Variants in SAMD7 observed in about 807,000 individuals in gnomAD.
SAMD7 encodes the protein sterile alpha motif domain containing 7.
SAMD7 carries 34 observed loss-of-function variants against 36.7 expected under a neutral mutation model. The ratio of observed to expected loss-of-function variants is 0.93; its 90% confidence interval spans 0.71 to 1.23. SAMD7 has a LOEUF of 1.23. SAMD7 is among the 50% of genes most tolerant of loss of function. The pLI is 0.00. For missense variants in SAMD7, 570 were observed against 546.6 expected (o/e 1.04, Z -0.43); for synonymous variants, 188 against 189.7 (o/e 0.99, Z 0.07).
intron 2 of SAMD7, among the ~76,000 whole-genome samples, chr3:169,917,798 T>C (rs894619099): frequency 4.4e-4 from 67 of 151,104 alleles, no homozygotes; most frequent in African/African-American, 1.6e-3. Context: ...CCCGCCACCA[T>C]ACCTGACTAA....
intron 7 of SAMD7, among the ~76,000 whole-genome samples, chr3:169,934,961 G>A (rs1713668426): frequency 6.6e-6 from 1 of 152,218 alleles, no homozygotes; most frequent in Non-Finnish European, 1.5e-5. Flanking sequence ...TGAAGGCACA[G>A]TCAACAATGT....
intron 1 of SAMD7, among the ~76,000 whole-genome samples, chr3:169,912,504 T>C (rs1458503887): frequency 6.6e-6 from 1 of 152,244 alleles, no homozygotes; most frequent in Non-Finnish European, 1.5e-5. Context: ...GAACATAATT[T>C]ATACAAACTG....
At chr3:169,924,551 C>T (rs953644208) in intron 4 of SAMD7, among the ~76,000 whole-genome samples, 7 of 152,064 alleles carry the variant, frequency 4.6e-5, no homozygotes, top group Non-Finnish European at 1.5e-5. Context: ...CACACCACTG[C>T]ACTTTAGCCT....
At chr3:169,923,414 A>G (rs1369354344) in intron 4 of SAMD7, among the ~76,000 whole-genome samples, 1 of 152,218 alleles carries the variant, frequency 6.6e-6, no homozygotes, top group Non-Finnish European at 1.5e-5. Flanking sequence ...TCTGCAGCCC[A>G]TGATTACCGA....
chr3:169,926,957 C>T lies in SAMD7; in HGVS notation c.695C>T (p.Pro232Leu). Residue 232 changes from proline to leucine, a missense_variant, in exon 6 of 9, where the codon CCC becomes CTC. By Grantham distance (98) the Pro-to-Leu change is moderately conservative. Transcript: ENST00000335556. ...HYAKDPDIEA[P>L]SNQKSSETNE... ...GCAAAAGACCCAGACATTGAAGCAC[C>T]CAGCAACCAGAAGTCAAGTGAAACG... The T allele has an allele frequency of 6.2e-7, 1 of 1,613,940 alleles. No homozygotes were observed. The highest frequency in any genetic ancestry group is 8.5e-7 in the Non-Finnish European group (1 of 1,179,982).
chr3:169,919,035 A>G (rs1712930166), intron 2 of SAMD7, among the ~76,000 whole-genome samples: 1 of 151,936 alleles, frequency 6.6e-6, no homozygotes, highest in Admixed American at 6.6e-5. Flanking sequence ...AATCGCAGCT[A>G]CTCTGGAGGC....
intron 7 of SAMD7, among the ~76,000 whole-genome samples, chr3:169,931,845 C>T (rs764150299): frequency 5.3e-5 from 8 of 151,934 alleles, no homozygotes; most frequent in East Asian, 1.9e-4. Context: ...TAGCCACGAG[C>T]GAGTCTAGGA....
At chr3:169,926,189 A>G in intron 5 of SAMD7, 1 of 922,474 alleles carries the variant, frequency 1.1e-6, no homozygotes, top group South Asian at 1.4e-5. Flanking sequence ...GTCTTTCTTG[A>G]ATCTCACTAA....
At position 169,921,332 on chromosome 3, in the gene SAMD7, T is replaced by C. The variant is rs755360002; in HGVS notation, c.205T>C (p.Tyr69His). ...NMANVLSSRI[Y>H]PGWGILPPES... Reference sequence around the variant, plus strand: ...GGCAAATGTGTTGTCCAGTCGGATCTACCCAGGTATGAGCAATAGAAGTTT... The same window carrying C: ...GGCAAATGTGTTGTCCAGTCGGATCCACCCAGGTATGAGCAATAGAAGTTT... The change falls in exon 4 of 9, where the codon TAC becomes CAC. Residue 69 changes from tyrosine (Y) to histidine (H), a missense_variant. Coordinates refer to ENST00000335556, the MANE Select transcript of SAMD7 (RefSeq NM_001304366.2). 1 of 1,614,110 alleles carries C rather than the reference T, an allele frequency of 6.2e-7. No homozygotes were observed. Among genetic ancestry groups the C allele is most frequent in the Non-Finnish European group, 8.5e-7 (1 of 1,179,934 alleles).
chr3:169,916,699 A>C (rs1712817004), intron 2 of SAMD7, among the ~76,000 whole-genome samples: 1 of 151,918 alleles, frequency 6.6e-6, no homozygotes, highest in African/African-American at 2.4e-5. Context: ...ATTCTATCTC[A>C]CTCCTCACTT....
rs1236852554 is a variant in SAMD7 at position 169,938,751 on chromosome 3, A to C, written c.*245A>C. The C allele has an allele frequency of 5.6e-6, 2 of 355,702 alleles. No individual in the cohort carries two copies. The highest frequency in any genetic ancestry group is 1.0e-5 in the Non-Finnish European group (2 of 199,862). The allele number at this position is 355,702 out of a possible 1,614,324, so 22.0% of individuals were successfully genotyped here. ...AATGAAGGGGAGATTTACAAACATCAAGAAAGCTGCAGATGGATGTTTCCA... is the reference window on the plus strand; with the variant it reads ...AATGAAGGGGAGATTTACAAACATCCAGAAAGCTGCAGATGGATGTTTCCA... On this transcript the variant is annotated 3_prime_UTR_variant, in exon 9 of 9. Coordinates refer to ENST00000335556, the MANE Select transcript of SAMD7 (RefSeq NM_001304366.2).
rs191160838 is a variant in SAMD7 at position 169,935,130 on chromosome 3, G to A, written c.1042-1209G>A. 1.1e-3 allele frequency among the ~76,000 whole-genome samples: 165 copies of A among 152,340 alleles called. 1 individual carries two copies. The highest frequency in any genetic ancestry group is 1.6e-3 in the Non-Finnish European group (110 of 68,034). ...TGCAGAATGACTGGGAAATTAGAAC[G>A]TGAAAGCAGGGAGCATCGAAACCCT... is the stretch of plus-strand genomic sequence containing the variant. On this transcript the variant is annotated intron_variant, in intron 7 of 8. Transcript: ENST00000335556.
Position 169,938,315 on chromosome 3 carries a change from A to C in SAMD7, c.1153-3A>C. On this transcript the variant is annotated splice_polypyrimidine_tract_variant and splice_region_variant and intron_variant, in intron 8 of 8. Transcript: ENST00000335556. The stretch of plus-strand genomic sequence containing the variant: ...GATTACTATAATTATTTTGTCTTAA[A>C]AGGTATCTCAGCATGTGGGAAGTAT... 1.3e-6 allele frequency: 2 copies of C among 1,584,958 alleles called. No homozygotes were observed. Among genetic ancestry groups the C allele is most frequent in the Non-Finnish European group, 1.7e-6 (2 of 1,159,678 alleles).
chr3:169,919,481 T>C lies in SAMD7; in HGVS notation c.-18T>C. 2 of 1,607,488 alleles carry C rather than the reference T, an allele frequency of 1.2e-6. No homozygotes were observed. The highest frequency in any genetic ancestry group is 2.2e-5 in the South Asian group (2 of 90,940). ...AGAACTCCATTAGTGGCGAGAGATA[T>C]TGAAGACAAACCCGGTGATGGCTGT... On this transcript the variant is annotated 5_prime_UTR_variant, in exon 3 of 9. Transcript: ENST00000335556.
At chr3:169,924,065 A>G (rs1489491528) in intron 4 of SAMD7, among the ~76,000 whole-genome samples, 1 of 152,166 alleles carries the variant, frequency 6.6e-6, no homozygotes, top group African/African-American at 2.4e-5. Flanking sequence ...ATGAATTGGT[A>G]GCTTCATGCA....
chr3:169,912,462 T>C (rs1712642049), intron 1 of SAMD7, among the ~76,000 whole-genome samples: 1 of 152,250 alleles, frequency 6.6e-6, no homozygotes, highest in Non-Finnish European at 1.5e-5. Flanking sequence ...TTATATATAA[T>C]GGACTTTGCT....
intron 4 of SAMD7, 137 bp downstream of exon 4, chr3:169,921,475 C>A: frequency 1.3e-6 from 1 of 793,558 alleles, no homozygotes; most frequent in Non-Finnish European, 2.0e-6. Flanking sequence ...TCTGTAGTCA[C>A]CACCTAGGTT....
At chr3:169,933,125 C>T (rs113243346) in intron 7 of SAMD7, 10,133 of 816,656 alleles carry the variant, frequency 0.012, 112 homozygotes, top group Middle Eastern at 0.036. Context: ...CTCGTCTGGA[C>T]GCCATGGACC....
At chr3:169,925,983 G>A (rs576706561) in intron 5 of SAMD7, among the ~76,000 whole-genome samples, 2 of 152,128 alleles carry the variant, frequency 1.3e-5, no homozygotes, top group African/African-American at 4.8e-5. Flanking sequence ...CCAGGAGAAA[G>A]AAAAGTATAA....
Sources: allele counts gnomAD v4.1 joint callset (sites outside exome capture counted in the v4.1 genomes callset), GRCh38; gene constraint gnomAD v4.1.1; transcripts MANE v1.5; gene names NCBI Gene and HGNC (gene_info 2026-07-23, HGNC 2026-07-21).